DOK5: variants seen among roughly 807,000 people sequenced by gnomAD.
DOK5 encodes the protein docking protein 5.
In DOK5, 27 loss-of-function variants were observed where a neutral mutation model predicts 43.3. The observed-to-expected ratio is 0.62, with a 90% CI of 0.46 to 0.86. DOK5 has a LOEUF of 0.86. Ranked by LOEUF, DOK5 falls within the 40% of genes least tolerant of loss-of-function variation. The pLI, the probability that DOK5 is intolerant of heterozygous loss-of-function variation, is 0.00. For missense variants in DOK5, 373 were observed against 392.9 expected, an observed-to-expected ratio of 0.95 and a Z score of 0.43; for synonymous variants, 146 against 140.1, an observed-to-expected ratio of 1.04 and a Z score of -0.30.
intron 1 of DOK5, among the ~76,000 whole-genome samples, chr20:54,504,009 T>C (rs1982710202): frequency 6.6e-6 from 1 of 152,186 alleles, no homozygotes; most frequent in Non-Finnish European, 1.5e-5. Flanking sequence ...TTAAAGTAGT[T>C]GCAGCCCAGC....
At chr20:54,634,400 AC>A (rs1378514320) in intron 6 of DOK5, among the ~76,000 whole-genome samples, 1 of 146,424 alleles carries the variant, frequency 6.8e-6, no homozygotes, top group African/African-American at 2.5e-5. Flanking sequence ...GGGCTGCTTG[AC>A]CAGAAGTAGC....
At chr20:54,626,951 C>T (rs1978331878) in intron 6 of DOK5, among the ~76,000 whole-genome samples, 1 of 152,184 alleles carries the variant, frequency 6.6e-6, no homozygotes, top group Non-Finnish European at 1.5e-5. Flanking sequence ...AGTTGTTGTT[C>T]ACACTGAAAC....
chr20:54,624,412 A>T (rs1987075914), intron 6 of DOK5, among the ~76,000 whole-genome samples: 1 of 152,248 alleles, frequency 6.6e-6, no homozygotes, highest in South Asian at 2.1e-4. Context: ...GAAGGCAGGG[A>T]CAAGGCCCCA....
intron 1 of DOK5, among the ~76,000 whole-genome samples, chr20:54,508,168 T>C (rs998671172): frequency 6.6e-6 from 1 of 152,112 alleles, no homozygotes; most frequent in African/African-American, 2.4e-5. Flanking sequence ...TTCAAACTTT[T>C]CTGATTATAC....
chr20:54,574,375 C>T (rs974605368), intron 2 of DOK5, among the ~76,000 whole-genome samples: 1 of 152,020 alleles, frequency 6.6e-6, no homozygotes, highest in Non-Finnish European at 1.5e-5. Context: ...AAGAGACTGA[C>T]GATGATGTGA....
intron 1 of DOK5, among the ~76,000 whole-genome samples, chr20:54,499,933 C>T (rs1247389846): frequency 6.6e-6 from 1 of 152,228 alleles, no homozygotes; most frequent in East Asian, 1.9e-4. Context: ...TCTGCTTAAT[C>T]TCTGCTATAT....
At chr20:54,645,499 C>T (rs757599779) in intron 7 of DOK5, among the ~76,000 whole-genome samples, 1 of 152,066 alleles carries the variant, frequency 6.6e-6, no homozygotes, top group Non-Finnish European at 1.5e-5. Flanking sequence ...GTCCTTTCTC[C>T]CCCAGGCAGC....
chr20:54,489,973 G>C (rs1439696324), intron 1 of DOK5, among the ~76,000 whole-genome samples: 5 of 152,212 alleles, frequency 3.3e-5, no homozygotes, highest in Admixed American at 2.6e-4. Flanking sequence ...TTAGGCCTGA[G>C]AGCCTTTTCA....
chr20:54,584,632 TTG>T (rs1277525781), intron 2 of DOK5, among the ~76,000 whole-genome samples: 3 of 150,652 alleles, frequency 2.0e-5, no homozygotes, highest in Non-Finnish European at 3.0e-5. Flanking sequence ...TAATATGTAT[TTG>T]TGTGTTTGTA....
intron 1 of DOK5, among the ~76,000 whole-genome samples, chr20:54,503,295 A>G (rs1350650061): frequency 2.0e-5 from 3 of 152,230 alleles, no homozygotes; most frequent in African/African-American, 7.2e-5. Context: ...TGCCATTTTC[A>G]ATATATGAGT....
intron 6 of DOK5, among the ~76,000 whole-genome samples, chr20:54,619,023 T>TTTTATATATATA (rs1555836770): frequency 1.6e-4 from 7 of 43,406 alleles, no homozygotes; most frequent in Admixed American, 2.9e-4. Flanking sequence ...TTTCAATAAA[T>TTTTATATATATA]TATATATATA....
intron 1 of DOK5, among the ~76,000 whole-genome samples, chr20:54,497,566 T>A (rs1337609976): frequency 6.6e-6 from 1 of 152,228 alleles, no homozygotes; most frequent in Non-Finnish European, 1.5e-5. Flanking sequence ...CTATTCTATG[T>A]TACTCCATTT....
rs1399149488 is a variant in DOK5, at chr20:54,475,705, C to T, written c.-242C>T. 1.7e-6 allele frequency: 1 copy of T among 571,836 alleles called. No individual in the cohort carries two copies. The highest frequency in any genetic ancestry group is 3.1e-5 in the East Asian group (1 of 32,404). 35.4% of individuals were successfully genotyped at this position (571,836 alleles called of 1,614,324 possible). ...TCAGCTGACGCCGGCGCTCCAGCCT[C>T]GCCTCCCCGCGCCGCGCTCTGCGCT... On this transcript the variant is annotated 5_prime_UTR_variant, in exon 1 of 8. Transcript: ENST00000262593. This position sits in a 1 kb window ranked among gnomAD's most constrained non-coding sequence, Gnocchi z 4.2.
intron 1 of DOK5, among the ~76,000 whole-genome samples, chr20:54,548,271 T>C (rs940877493): frequency 2.0e-5 from 3 of 151,532 alleles, no homozygotes; most frequent in African/African-American, 7.3e-5. Flanking sequence ...ATTGACACTC[T>C]GTCATGAGGC....
At chr20:54,643,189 A>G (rs1238257280) in intron 6 of DOK5, among the ~76,000 whole-genome samples, 1 of 152,216 alleles carries the variant, frequency 6.6e-6, no homozygotes, top group Admixed American at 6.5e-5. Flanking sequence ...AATCAGCCCC[A>G]CCGGGACTAG....
At chr20:54,524,818 A>G (rs1237645292) in intron 1 of DOK5, among the ~76,000 whole-genome samples, 1 of 152,210 alleles carries the variant, frequency 6.6e-6, no homozygotes, top group East Asian at 1.9e-4. Flanking sequence ...TCTTGAGCTT[A>G]TAGCTGAAAC....
intron 2 of DOK5, among the ~76,000 whole-genome samples, chr20:54,581,889 T>C (rs1327349216): frequency 6.6e-6 from 1 of 152,034 alleles, no homozygotes; most frequent in Non-Finnish European, 1.5e-5. Flanking sequence ...TTACTTCTCT[T>C]TCTTGTCTAA....
At chr20:54,598,977 T>C (rs995250454) in intron 5 of DOK5, among the ~76,000 whole-genome samples, 1 of 152,240 alleles carries the variant, frequency 6.6e-6, no homozygotes, top group Non-Finnish European at 1.5e-5. Flanking sequence ...AGTTTACAGG[T>C]AAAATGACAA....
At chr20:54,622,211 A>G (rs1354630215) in intron 6 of DOK5, among the ~76,000 whole-genome samples, 1 of 151,258 alleles carries the variant, frequency 6.6e-6, no homozygotes, top group African/African-American at 2.5e-5. Context: ...GAAAAAATAA[A>G]AAAAATAAAA....
Sources: gnomAD v4.1 joint callset for allele counts (sites outside exome capture counted in the v4.1 genomes callset) on GRCh38, gnomAD v4.1.1 for gene constraint, Gnocchi (gnomAD v3.1) non-coding constraint, MANE v1.5 for transcripts, NCBI Gene and HGNC (gene_info 2026-07-23, HGNC 2026-07-21) for gene names.